The following MTA1 variants were observed in gnomAD, a reference collection of about 807,000 sequenced individuals.
MTA1 encodes metastasis-associated protein MTA1.
Under a neutral mutation model 97.0 loss-of-function variants are expected in MTA1, and 15 were observed. The ratio of observed to expected loss-of-function variants is 0.15; its 90% CI spans 0.10 to 0.24. The LOEUF is 0.24. MTA1 is among the 10% of genes least tolerant of loss of function. MTA1 has a pLI of 1.00. For missense variants in MTA1, 709 were observed against 1,015.1 expected (o/e 0.70, Z 4.10); for synonymous variants, 435 against 417.5 (o/e 1.04, Z -0.51).
chr14:105,435,840 C>T (rs1368223486), intron 1 of MTA1, among the ~76,000 whole-genome samples: 2 of 152,178 alleles, frequency 1.3e-5, no homozygotes, highest in African/African-American at 4.8e-5. Flanking sequence ...CCATAATACT[C>T]CTTACACCCC....
intron 18 of MTA1, chr14:105,467,441 G>A: frequency 2.2e-6 from 1 of 455,990 alleles, no homozygotes. Context: ...GGTAGTGGCT[G>A]CCCAGCCCAG....
intron 18 of MTA1, 149 bp from the exon 19 acceptor site, chr14:105,469,318 G>A (rs587737426): frequency 1.2e-5 from 10 of 840,634 alleles, no homozygotes; most frequent in Non-Finnish European, 1.8e-5. Flanking sequence ...GAGGCCCCAC[G>A]TCCCCCAGGC....
At chr14:105,423,476 G>A (rs1383660882) in intron 1 of MTA1, among the ~76,000 whole-genome samples, 3 of 152,056 alleles carry the variant, frequency 2.0e-5, no homozygotes, top group African/African-American at 4.8e-5. Context: ...TTCGGCCTCC[G>A]AAAGTGCTGG....
Position 105,460,474 on chromosome 14 carries a change from C to A in MTA1, c.753+17C>A. On this transcript the variant is annotated intron_variant, in intron 9 of 20. Coordinates refer to ENST00000331320, the MANE Select transcript of MTA1 (RefSeq NM_004689.4). ...ATCACCCTGGTAAGTGGGCCCAGGG[C>A]GGGACAGGTGAGACCTGGGGTGGCC... 6.3e-7 allele frequency: 1 copy of A among 1,596,534 alleles called. No homozygotes were observed. Among genetic ancestry groups the A allele is most frequent in the Non-Finnish European group, 8.5e-7 (1 of 1,172,452 alleles).
rs1427642288 is a variant in MTA1 at position 105,460,818 on chromosome 14, C to T, written c.807C>T (p.Ile269=). The change falls in exon 10 of 21, where the codon ATC becomes ATT. Residue 269 remains isoleucine, a synonymous_variant. Transcript: ENST00000331320. The part of the protein sequence containing the change: ...HKNIYDISKA[I]SALVPQGGPV... ...ACATCTACGACATCTCCAAGGCCAT[C>T]TCGGCGCTGGTGCCGCAGGGCGGGC... 2 of 1,611,220 alleles carry T rather than the reference C, an allele frequency of 1.2e-6. No homozygotes were observed. The highest frequency in any genetic ancestry group is 1.7e-6 in the Non-Finnish European group (2 of 1,178,942).
At chr14:105,441,660 G>A (rs587618774) in intron 2 of MTA1, among the ~76,000 whole-genome samples, 10 of 152,316 alleles carry the variant, frequency 6.6e-5, no homozygotes, top group African/African-American at 1.9e-4. Flanking sequence ...CGGGCGTGGT[G>A]GCGGGCGCCT....
Position 105,438,731 on chromosome 14 carries a change from C to G in MTA1, c.88C>G (p.Leu30Val). ...NPYLIRRIEE[L>V]NKTANGNVEA... ...ATACCTGATCCGGAGAATCGAGGAGCTCAACAAGGTACTGGGGGGCCCTGG... is the reference window on the plus strand; with the variant it reads ...ATACCTGATCCGGAGAATCGAGGAGGTCAACAAGGTACTGGGGGGCCCTGG... The change falls in exon 2 of 21, where the codon CTC (leucine) becomes GTC (valine). Residue 30 changes from leucine (L) to valine (V), a missense_variant. Physicochemically the swap from Leu to Val is conservative, Grantham distance 32 (BLOSUM62 1). Coordinates refer to ENST00000331320, the MANE Select transcript of MTA1 (RefSeq NM_004689.4). 6.2e-7 allele frequency: 1 copy of G among 1,612,946 alleles called. No individual in the cohort carries two copies. Among genetic ancestry groups the G allele is most frequent in the Non-Finnish European group, 8.5e-7 (1 of 1,179,856 alleles).
intron 2 of MTA1, among the ~76,000 whole-genome samples, chr14:105,441,746 ATC>A (rs2082535576): frequency 2.0e-5 from 3 of 152,180 alleles, no homozygotes; most frequent in Non-Finnish European, 4.4e-5. Context: ...GTGAGCCGAG[ATC>A]CCGCCACTAC....
At chr14:105,454,391 G>GT in intron 7 of MTA1, 81 bp downstream of exon 7, 1 of 1,004,998 alleles carries the variant, frequency 1.0e-6, no homozygotes, top group Admixed American at 1.7e-5. Flanking sequence ...AGGAGGCTGG[G>GT]ACATGGCCGT....
chr14:105,429,222 C>T (rs2082099975), intron 1 of MTA1, among the ~76,000 whole-genome samples: 1 of 152,186 alleles, frequency 6.6e-6, no homozygotes, highest in Non-Finnish European at 1.5e-5. Flanking sequence ...CCCGGCACTT[C>T]AGCTTTCTCT....
intron 2 of MTA1, 140 bp downstream of exon 2, chr14:105,438,879 C>G (rs2082410299): frequency 5.0e-6 from 4 of 794,968 alleles, no homozygotes; most frequent in Non-Finnish European, 8.2e-6. Context: ...TTCAGTGACT[C>G]CGTCCACTGT....
rs139214108 is a variant in MTA1 at position 105,464,078 on chromosome 14, G to A, written c.1123G>A (p.Gly375Ser). ...NQISVNNVKAGVVNGTGAPGQ... is the reference protein window; with the variant it reads ...NQISVNNVKASVVNGTGAPGQ... ...AATCAGCGTCAACAACGTCAAGGCC[G>A]GTGTGGTGAACGGCACGGGGGCGCC... The change falls in exon 13 of 21, where the codon GGT becomes AGT. Residue 375 changes from glycine to serine, a missense_variant. Physicochemically the swap from Gly to Ser is moderately conservative, Grantham distance 56. Around this residue, in one of 2 missense-constraint regions of MTA1, gnomAD observed 321 missense variants for 593.5 expected, o/e 0.54. Transcript: ENST00000331320. 3.0e-5 allele frequency: 48 copies of A among 1,612,420 alleles called. No individual in the cohort carries two copies. Among genetic ancestry groups the A allele is most frequent in the East Asian group, 8.9e-5 (4 of 44,864 alleles).
At chr14:105,453,069 A>G (rs2141599132) in intron 6 of MTA1, among the ~76,000 whole-genome samples, 1 of 152,392 alleles carries the variant, frequency 6.6e-6, no homozygotes. Flanking sequence ...GAACCAGCCC[A>G]GTGCAGGACA....
chr14:105,450,404 G>T lies in MTA1; in HGVS notation c.432+80G>T. ...CTACCTATGACCTCTGCTGGCCTGGGCGGCGGAGACGATTTTCCCTCCTCC... is the reference window on the plus strand; with the variant it reads ...CTACCTATGACCTCTGCTGGCCTGGTCGGCGGAGACGATTTTCCCTCCTCC... On this transcript the variant is annotated intron_variant, in intron 6 of 20. Coordinates refer to ENST00000331320, the MANE Select transcript of MTA1 (RefSeq NM_004689.4). The T allele has an allele frequency of 3.4e-6, 5 of 1,475,202 alleles. No individual in the cohort carries two copies. The South Asian group carries it at 5.2e-5, about 15-fold the overall frequency. The allele number at this position is 1,475,202 out of a possible 1,614,324, so 91.4% of individuals were successfully genotyped here. A position where few individuals can be genotyped will look rare whatever the true frequency, so the allele number is the denominator to read the frequency against.
chr14:105,436,260 C>T (rs1229435648), intron 1 of MTA1, among the ~76,000 whole-genome samples: 2 of 152,102 alleles, frequency 1.3e-5, no homozygotes, highest in Non-Finnish European at 2.9e-5. Context: ...GCAACAAGAG[C>T]GAAACTTCAT....
chr14:105,470,455 G>A lies in MTA1; in HGVS notation c.*240G>A, dbSNP rs920844428. The A allele has an allele frequency of 4.4e-6, 2 of 453,944 alleles. No homozygotes were observed. The highest frequency in any genetic ancestry group is 4.2e-5 in the East Asian group (1 of 23,636). 28.1% of individuals were successfully genotyped at this position (453,944 alleles called of 1,614,324 possible). A position where few individuals can be genotyped will look rare whatever the true frequency, so the allele number is the denominator to read the frequency against. ...TTTACTTTTTGGCTGGAGCGGAGAT[G>A]AGGGGCCACCCCGTGCCCCTGTGCT... On this transcript the variant is annotated 3_prime_UTR_variant, in exon 21 of 21. Coordinates refer to ENST00000331320, the MANE Select transcript of MTA1 (RefSeq NM_004689.4).
chr14:105,438,859 G>A, intron 2 of MTA1, 120 bp downstream of exon 2: 3 of 956,186 alleles, frequency 3.1e-6, no homozygotes, highest in Non-Finnish European at 3.2e-6. Flanking sequence ...ACTGGCCACT[G>A]CACAGGCCCT....
At chr14:105,445,366 T>G in intron 2 of MTA1, 52 bp from the exon 3 acceptor site, 1 of 1,561,926 alleles carries the variant, frequency 6.4e-7, no homozygotes, top group Non-Finnish European at 8.8e-7. Flanking sequence ...CTGGGAGCTG[T>G]GCAGCCCGGG....
At chr14:105,458,212 G>T in intron 7 of MTA1, 58 bp from the exon 8 acceptor site, 1 of 1,476,610 alleles carries the variant, frequency 6.8e-7, no homozygotes. Context: ...GGGAGGAGAG[G>T]CGCGGCCCGG....
Sources: gnomAD v4.1 joint callset for allele counts (sites outside exome capture counted in the v4.1 genomes callset) on GRCh38, gnomAD v4.1.1 for gene constraint, gnomAD v4.1.1 regional missense constraint, MANE v1.5 for transcripts, NCBI Gene and HGNC (gene_info 2026-07-23, HGNC 2026-07-21) for gene names.